UBE2L3: variants seen among roughly 807,000 people sequenced by gnomAD.
The protein encoded by UBE2L3 is ubiquitin-conjugating enzyme E2 L3.
A neutral mutation model predicts 17.8 loss-of-function variants in UBE2L3; 1 was observed. The ratio of observed to expected loss-of-function variants is 0.06; its 90% CI spans 0.02 to 0.27. The LOEUF is 0.27. UBE2L3 is among the 10% of genes least tolerant of loss of function. UBE2L3 has a pLI of 1.00. For synonymous variants in UBE2L3, 44 were observed against 68.5 expected, an observed-to-expected ratio of 0.64 and a Z score of 1.76; for missense variants, 40 against 192.6, an observed-to-expected ratio of 0.21 and a Z score of 4.69.
chr22:21,562,670 C>CGT (rs1926485928), intron 1 of UBE2L3, among the ~76,000 whole-genome samples: 1 of 105,242 alleles, frequency 9.5e-6, no homozygotes, highest in East Asian at 2.9e-4. Flanking sequence ...CACGCCTGGG[C>CGT]TTTTTTTTTT....
intron 1 of UBE2L3, among the ~76,000 whole-genome samples, chr22:21,571,911 G>A (rs1466039635): frequency 2.0e-5 from 3 of 152,162 alleles, no homozygotes. Context: ...TTCAGGAGGT[G>A]AGGGGAGTTT....
chr22:21,558,433 C>T (rs1926315280), intron 1 of UBE2L3, among the ~76,000 whole-genome samples: 1 of 152,232 alleles, frequency 6.6e-6, no homozygotes, highest in African/African-American at 2.4e-5. Flanking sequence ...GAGATCGAGA[C>T]CATCCTGGCT....
intron 3 of UBE2L3, among the ~76,000 whole-genome samples, chr22:21,615,380 C>T (rs1023642184): frequency 2.0e-5 from 3 of 151,652 alleles, no homozygotes; most frequent in Admixed American, 2.0e-4. Context: ...ATGGTGAAAC[C>T]CTGTCTTTAC....
intron 1 of UBE2L3, among the ~76,000 whole-genome samples, chr22:21,584,017 A>G (rs1029675443): frequency 1.3e-5 from 2 of 152,042 alleles, no homozygotes; most frequent in Non-Finnish European, 2.9e-5. Context: ...CTGGGATTAC[A>G]GGCGTGTGCC....
intron 2 of UBE2L3, among the ~76,000 whole-genome samples, chr22:21,598,043 C>T (rs1181926499): frequency 3.3e-5 from 5 of 150,578 alleles, no homozygotes; most frequent in Non-Finnish European, 7.4e-5. Context: ...TCAAGTGATC[C>T]GCCTGCCTTA....
intron 3 of UBE2L3, among the ~76,000 whole-genome samples, chr22:21,612,997 C>T (rs1459837607): frequency 6.6e-6 from 1 of 152,136 alleles, no homozygotes; most frequent in Admixed American, 6.6e-5. Context: ...TGCATTTGAT[C>T]AAGAGTGTTC....
intron 3 of UBE2L3, among the ~76,000 whole-genome samples, chr22:21,618,223 T>TA (rs1345948759): frequency 1.6e-5 from 2 of 124,160 alleles, no homozygotes; most frequent in South Asian, 2.6e-4. Flanking sequence ...AGTGAAACTA[T>TA]AAAAAATAAC....
chr22:21,591,451 A>ACCAGTGTGTTCCACCTCTTCCGTGTATT (rs1459465278), intron 1 of UBE2L3, among the ~76,000 whole-genome samples: 3 of 152,196 alleles, frequency 2.0e-5, no homozygotes, highest in Non-Finnish European at 2.9e-5. Flanking sequence ...GCTATGAAGC[A>ACCAGTGTGTTCCACCTCTTCCGTGTATT]CCAGTGTGTT....
chr22:21,609,988 T>TG (rs1929393294), intron 2 of UBE2L3, among the ~76,000 whole-genome samples: 1 of 152,172 alleles, frequency 6.6e-6, no homozygotes, highest in African/African-American at 2.4e-5. Flanking sequence ...ATCGTGCCAT[T>TG]GCATTCTAGC....
At chr22:21,617,448 G>C (rs1007125128) in intron 3 of UBE2L3, among the ~76,000 whole-genome samples, 1 of 152,056 alleles carries the variant, frequency 6.6e-6, no homozygotes, top group Non-Finnish European at 1.5e-5. Flanking sequence ...TTGTATTTTA[G>C]TAGAGACAAG....
intron 2 of UBE2L3, among the ~76,000 whole-genome samples, chr22:21,605,944 C>T (rs1311836997): frequency 2.0e-5 from 3 of 152,214 alleles, no homozygotes; most frequent in East Asian, 1.9e-4. Context: ...GTTGGGATTA[C>T]GGGCATGAGC....
At chr22:21,567,294 G>T (rs552408776), upstream of UBE2L3, among the ~76,000 whole-genome samples, 5 of 152,210 alleles carry the variant, frequency 3.3e-5, no homozygotes, top group South Asian at 1.0e-3. Context: ...CTCCTGAGTA[G>T]CAGAGATTAC....
At chr22:21,573,121 T>C (rs1198873146) in intron 1 of UBE2L3, among the ~76,000 whole-genome samples, 1 of 152,146 alleles carries the variant, frequency 6.6e-6, no homozygotes, top group Non-Finnish European at 1.5e-5. Context: ...TGTCCCACAC[T>C]ACTCCTAACC....
intron 2 of UBE2L3, among the ~76,000 whole-genome samples, chr22:21,607,385 G>A (rs1777286194): frequency 6.6e-6 from 1 of 151,574 alleles, no homozygotes; most frequent in Non-Finnish European, 1.5e-5. Flanking sequence ...CAGGGTAGCG[G>A]GTACCTGTAA....
chr22:21,561,967 T>C (rs1926448223), intron 1 of UBE2L3, among the ~76,000 whole-genome samples: 1 of 152,110 alleles, frequency 6.6e-6, no homozygotes, highest in Non-Finnish European at 1.5e-5. Context: ...AGGGTATAAG[T>C]GTCCAGTGCC....
chr22:21,607,666 G>A (rs1929249874), intron 2 of UBE2L3, among the ~76,000 whole-genome samples: 1 of 152,128 alleles, frequency 6.6e-6, no homozygotes, highest in Non-Finnish European at 1.5e-5. Flanking sequence ...CTGGAGATAG[G>A]TAGGGTTGGG....
chr22:21,561,787 G>C (rs1449031421), intron 1 of UBE2L3, among the ~76,000 whole-genome samples: 2 of 152,268 alleles, frequency 1.3e-5, no homozygotes, highest in Non-Finnish European at 2.9e-5. Flanking sequence ...GGGAGATGAG[G>C]CTTCAGGTAG....
chr22:21,574,775 G>A (rs1205924738), intron 1 of UBE2L3, among the ~76,000 whole-genome samples: 1 of 152,082 alleles, frequency 6.6e-6, no homozygotes, highest in Non-Finnish European at 1.5e-5. Context: ...GACAATCCTG[G>A]CCAACATGGT....
rs181687753 is a variant in UBE2L3 at position 21,562,259 on chromosome 22, A to C, written c.201+12609A>C. Among the ~76,000 whole-genome samples, 509 of 142,754 alleles carry C rather than the reference A, an allele frequency of 3.6e-3. 3 individuals carry two copies. Among genetic ancestry groups the C allele is most frequent in the African/African-American group, 0.013 (486 of 38,182 alleles). 93.7% of individuals were successfully genotyped at this position (142,754 alleles called of 152,430 possible). A position where few individuals can be genotyped will look rare whatever the true frequency, so the allele number is the denominator to read the frequency against. On this transcript the variant is annotated intron_variant, in intron 1 of 3. Coordinates refer to the UBE2L3 transcript ENST00000458578. ...ACCCAGGCTGGAATGCAGTGGCGTGATCTCGGCTCACTGCAAGCTCCACCT... is the reference window on the plus strand; with the variant it reads ...ACCCAGGCTGGAATGCAGTGGCGTGCTCTCGGCTCACTGCAAGCTCCACCT...
Sources: allele counts gnomAD v4.1 joint callset (sites outside exome capture counted in the v4.1 genomes callset), GRCh38; gene constraint gnomAD v4.1.1; transcripts MANE v1.5; gene names NCBI Gene and HGNC (gene_info 2026-07-23, HGNC 2026-07-21).